Variants in ATP13A4 observed in about 807,000 individuals in gnomAD.
ATP13A4 encodes the protein probable cation-transporting ATPase 13A4.
A neutral mutation model predicts 142.5 loss-of-function variants in ATP13A4; 114 were observed. The ratio of observed to expected loss-of-function variants is 0.80; its 90% CI spans 0.69 to 0.93. The LOEUF (loss-of-function observed/expected upper bound fraction) is 0.93. ATP13A4 is among the 40% of genes least tolerant of loss of function. The pLI is 0.00. For missense variants in ATP13A4, 1,392 were observed against 1,454.0 expected (o/e 0.96, Z 0.69); for synonymous variants, 488 against 514.8 (o/e 0.95, Z 0.70).
intron 7 of ATP13A4, among the ~76,000 whole-genome samples, chr3:193,487,074 A>C (rs1398464560): frequency 6.6e-6 from 1 of 152,170 alleles, no homozygotes; most frequent in Non-Finnish European, 1.5e-5. Context: ...CATTTTTTAA[A>C]AGTCAGATAG....
At chr3:193,488,295 C>T (rs1719751464) in intron 7 of ATP13A4, among the ~76,000 whole-genome samples, 1 of 152,002 alleles carries the variant, frequency 6.6e-6, no homozygotes, top group Non-Finnish European at 1.5e-5. Context: ...AATTCAAGTG[C>T]AGAACAGTAC....
At chr3:193,531,302 G>A (rs1416937938) in intron 1 of ATP13A4, among the ~76,000 whole-genome samples, 1 of 105,118 alleles carries the variant, frequency 9.5e-6, no homozygotes, top group Non-Finnish European at 1.9e-5. Flanking sequence ...GAGGGAGGAA[G>A]GAAGGAAGGA....
At chr3:193,567,908 G>A (rs1296184131) in intron 2 of ATP13A4, among the ~76,000 whole-genome samples, 2 of 152,024 alleles carry the variant, frequency 1.3e-5, no homozygotes, top group Non-Finnish European at 2.9e-5. Flanking sequence ...GCATGGTTGT[G>A]CCTTTGGTAA....
chr3:193,491,473 G>A, intron 5 of ATP13A4, 75 bp from the exon 6 acceptor site: 4 of 1,083,736 alleles, frequency 3.7e-6, no homozygotes, highest in South Asian at 2.5e-5. Context: ...TTCAGAAAAA[G>A]GTCTATTCCA....
At chr3:193,407,992 C>A (rs1714587527) in intron 28 of ATP13A4, among the ~76,000 whole-genome samples, 1 of 152,248 alleles carries the variant, frequency 6.6e-6, no homozygotes, top group African/African-American at 2.4e-5. Context: ...GAGCTGAAAT[C>A]AAGCTTGTCA....
intron 1 of ATP13A4, among the ~76,000 whole-genome samples, chr3:193,517,908 T>C (rs982970533): frequency 1.3e-5 from 2 of 152,246 alleles, no homozygotes; most frequent in Non-Finnish European, 1.5e-5. Context: ...TTTTTCTAAG[T>C]TTCTTCCAAG....
rs1220338959 is a variant in ATP13A4 at position 193,457,440 on chromosome 3, A to G, written c.1700T>C (p.Phe567Ser). The G allele has an allele frequency of 6.2e-7, 1 of 1,614,146 alleles. No homozygotes were observed. The highest frequency in any genetic ancestry group is 2.2e-5 in the East Asian group (1 of 44,876). The stretch of plus-strand genomic sequence containing the variant: ...ATGTGCCGGCACTCCCTTGATGTGG[A>G]AATCGTCCCCAGAAAAAGCCATTTC... ...TWEMAFSGDD[F>S]HIKGVPAHAM... The change falls in exon 15 of 30, where the codon TTC (phenylalanine) becomes TCC (serine). Residue 567 changes from phenylalanine to serine, a missense_variant. Physicochemically the swap from Phe to Ser is radical, Grantham distance 155. Transcript: ENST00000342695.
intron 1 of ATP13A4, among the ~76,000 whole-genome samples, chr3:193,543,037 G>A (rs1187952598): frequency 2.6e-5 from 4 of 151,926 alleles, no homozygotes; most frequent in African/African-American, 7.3e-5. Context: ...GTGTGGTGGT[G>A]GATGCCTGTA....
At chr3:193,418,268 G>A (rs1423589372) in intron 25 of ATP13A4, among the ~76,000 whole-genome samples, 2 of 144,422 alleles carry the variant, frequency 1.4e-5, no homozygotes, top group African/African-American at 2.6e-5. Flanking sequence ...GCAGTGAGCC[G>A]AGATTGCGCC....
chr3:193,549,281 G>A (rs1723403162), intron 1 of ATP13A4, among the ~76,000 whole-genome samples: 2 of 150,980 alleles, frequency 1.3e-5, no homozygotes, highest in South Asian at 4.2e-4. Flanking sequence ...AAATATCTAA[G>A]TACAAAGTTG....
chr3:193,514,772 G>C lies in ATP13A4; in HGVS notation c.160C>G (p.Pro54Ala). 1.2e-6 allele frequency: 2 copies of C among 1,614,206 alleles called. No homozygotes were observed. The highest frequency in any genetic ancestry group is 1.7e-6 in the Non-Finnish European group (2 of 1,180,034). Residue 54 changes from proline to alanine, a missense_variant, in exon 2 of 30, where the codon CCA (proline) becomes GCA (alanine). Transcript: ENST00000342695. ...CAATGTGCCCATACGTGCCATGCTG[G>C]TCTCCAGTAAAACACCAAGGGGAGG... ...GILPLVFYWR[P>A]AWHVWAHCVP...
rs185169628 is a variant in ATP13A4 at position 193,445,644 on chromosome 3, C to A, written c.2152+2562G>T. Among the ~76,000 whole-genome samples, 34 of 152,092 alleles carry A rather than the reference C, an allele frequency of 2.2e-4. No homozygotes were observed. In the South Asian group the frequency reaches 2.5e-3, roughly 11 times the overall value. ...TGGTGGTGCACACCTGTAGTCCCAG[C>A]TACTCGGGAGGCTGAAGCAGGAGAA... On this transcript the variant is annotated intron_variant, in intron 18 of 29. Transcript: ENST00000342695.
At position 193,411,075 on chromosome 3, in the gene ATP13A4, G is replaced by C. The variant is rs771412732; in HGVS notation, c.3209-5C>G. ...TCAGCACAAGGACAAATATATCTGAGGAAATAAGAACACAAGGTATTATTT... is the reference window on the plus strand; with the variant it reads ...TCAGCACAAGGACAAATATATCTGACGAAATAAGAACACAAGGTATTATTT... On this transcript the variant is annotated splice_region_variant and splice_polypyrimidine_tract_variant and intron_variant, in intron 27 of 29. Coordinates refer to ENST00000342695, the MANE Select transcript of ATP13A4 (RefSeq NM_032279.4). The C allele has an allele frequency of 1.9e-6, 3 of 1,586,720 alleles. No individual in the cohort carries two copies. The highest frequency in any genetic ancestry group is 2.6e-6 in the Non-Finnish European group (3 of 1,155,482).
At position 193,441,487 on chromosome 3, in the gene ATP13A4, A is replaced by T; in HGVS notation, c.2418T>A (p.His806Gln). The T allele has an allele frequency of 6.2e-7, 1 of 1,613,884 alleles. No homozygotes were observed. Among genetic ancestry groups the T allele is most frequent in the Non-Finnish European group, 8.5e-7 (1 of 1,179,810 alleles). ...TTACCTTTGGCAGTAGGCTGCTGAA[A>T]TGTTGACTTATAACATGAAAGGATT... ...TGKSFHVISQ[H>Q]FSSLLPKILI... is the part of the protein sequence containing the mutation. The change falls in exon 20 of 30, where the codon CAT becomes CAA. Residue 806 changes from histidine to glutamine, a missense_variant. Coordinates refer to ENST00000342695, the MANE Select transcript of ATP13A4 (RefSeq NM_032279.4).
chr3:193,530,938 A>T (rs183174868), intron 1 of ATP13A4, among the ~76,000 whole-genome samples: 146 of 152,016 alleles, frequency 9.6e-4, no homozygotes, highest in African/African-American at 3.5e-3. Flanking sequence ...TACACCCTGC[A>T]CTCCAGCTTT....
intron 2 of ATP13A4, among the ~76,000 whole-genome samples, chr3:193,568,121 G>A (rs373727866): frequency 3.2e-4 from 49 of 152,050 alleles, no homozygotes; most frequent in African/African-American, 1.1e-3. Flanking sequence ...CACCACACCC[G>A]GCTAATTTTT....
intron 2 of ATP13A4, among the ~76,000 whole-genome samples, chr3:193,571,135 G>A (rs1436952612): frequency 6.6e-5 from 10 of 152,072 alleles, no homozygotes; most frequent in East Asian, 1.9e-4. Flanking sequence ...AAAATTAGCC[G>A]GGCATGGTGG....
At chr3:193,503,033 G>A (rs1577029309) in intron 2 of ATP13A4, among the ~76,000 whole-genome samples, 1 of 151,766 alleles carries the variant, frequency 6.6e-6, no homozygotes, top group African/African-American at 2.4e-5. Flanking sequence ...CCACCGGGGC[G>A]GGGCAGGGGG....
rs548070166 is a variant in ATP13A4 at position 193,483,458 on chromosome 3, GTTTGTTTTGT to G, written c.808+468_808+477del. Among the ~76,000 whole-genome samples, 19 of 152,080 alleles carry G rather than the reference GTTTGTTTTGT, an allele frequency of 1.2e-4. No individual in the cohort carries two copies. The South Asian group carries it at 3.9e-3, about 32-fold the overall frequency. On this transcript the variant is annotated intron_variant, in intron 8 of 29. Transcript: ENST00000342695. ...CCCCAATAAAGTAGTTTTTTTGTTT[GTTTGTTTTGT>G]TTTGTTTTGTTTTTGAGATGGAGTC... is the stretch of plus-strand genomic sequence containing the variant.
Sources: allele counts gnomAD v4.1 joint callset (sites outside exome capture counted in the v4.1 genomes callset), GRCh38; gene constraint gnomAD v4.1.1; transcripts MANE v1.5; gene names NCBI Gene and HGNC (gene_info 2026-07-23, HGNC 2026-07-21).